SBF2: variants seen among roughly 807,000 people sequenced by gnomAD.
SBF2 encodes the protein SET binding factor 2.
SBF2 carries 112 observed loss-of-function variants against 225.2 expected under a neutral mutation model. The observed-to-expected ratio is 0.50, with a 90% confidence interval of 0.43 to 0.58. The LOEUF (loss-of-function observed/expected upper bound fraction) is 0.58, where lower values mean the gene tolerates loss of function less well. Among genes scored for constraint, SBF2 ranks in the 20% least tolerant of loss-of-function variants. SBF2 has a pLI of 0.00. For missense variants in SBF2, 1,996 were observed against 2,206.2 expected, an observed-to-expected ratio of 0.90 and a Z score of 1.91; for synonymous variants, 763 against 773.3, an observed-to-expected ratio of 0.99 and a Z score of 0.22.
At chr11:9,939,999 T>C (rs80201332) in intron 16 of SBF2, among the ~76,000 whole-genome samples, 2,758 of 152,274 alleles carry the variant, frequency 0.018, 86 homozygotes, top group African/African-American at 0.057. Context: ...TCTCTTGATA[T>C]TATATGCTTG....
intron 2 of SBF2, 123 bp from the exon 3 acceptor site, chr11:10,043,104 A>G: frequency 5.4e-6 from 5 of 919,360 alleles, no homozygotes; most frequent in Non-Finnish European, 8.2e-6. Flanking sequence ...ATGAGTCTAA[A>G]GCCAACATTT....
intron 2 of SBF2, among the ~76,000 whole-genome samples, chr11:10,122,468 G>A (rs765298579): frequency 2.0e-5 from 3 of 152,100 alleles, no homozygotes; most frequent in Admixed American, 6.6e-5. Flanking sequence ...CTAAAAACTT[G>A]CTTAATATTT....
At chr11:9,939,548 G>T (rs566921831) in intron 16 of SBF2, among the ~76,000 whole-genome samples, 1 of 152,088 alleles carries the variant, frequency 6.6e-6, no homozygotes, top group African/African-American at 2.4e-5. Context: ...CCTATTTCAG[G>T]TGCTGGGGAT....
upstream of SBF2, among the ~76,000 whole-genome samples, chr11:10,297,239 A>C (rs1964557311): frequency 7.1e-6 from 1 of 141,294 alleles, no homozygotes; most frequent in African/African-American, 2.7e-5. Context: ...TTTTATTTTT[A>C]TGTAGAGATG....
intron 1 of SBF2, among the ~76,000 whole-genome samples, chr11:10,260,271 A>G (rs889765461): frequency 6.6e-6 from 1 of 152,230 alleles, no homozygotes; most frequent in Admixed American, 6.5e-5. Context: ...CTAAGGGCAC[A>G]TTTTGGCATA....
At chr11:9,808,254 C>A in intron 31 of SBF2, 69 bp from the exon 32 acceptor site, 3 of 1,346,144 alleles carry the variant, frequency 2.2e-6, no homozygotes, top group Non-Finnish European at 2.1e-6. Flanking sequence ...AAGATAAAAG[C>A]ACTTCCTTCT....
chr11:9,823,147 T>G (rs1389372565), intron 28 of SBF2, among the ~76,000 whole-genome samples: 1 of 152,240 alleles, frequency 6.6e-6, no homozygotes, highest in African/African-American at 2.4e-5. Flanking sequence ...AAGAAATTTA[T>G]CCAAGTTGTA....
intron 2 of SBF2, among the ~76,000 whole-genome samples, chr11:10,183,702 A>G (rs1956822501): frequency 6.6e-6 from 1 of 152,184 alleles, no homozygotes; most frequent in Non-Finnish European, 1.5e-5. Context: ...TCGGTCCAAA[A>G]ACCAATTTAT....
intron 1 of SBF2, among the ~76,000 whole-genome samples, chr11:10,264,889 T>C (rs745798736): frequency 3.9e-5 from 6 of 152,168 alleles, no homozygotes; most frequent in South Asian, 4.1e-4. Flanking sequence ...GCTTCATCCA[T>C]GTCCCTGCAA....
chr11:10,076,231 G>C (rs1274613962), intron 2 of SBF2, among the ~76,000 whole-genome samples: 1 of 152,176 alleles, frequency 6.6e-6, no homozygotes, highest in Non-Finnish European at 1.5e-5. Context: ...TAGATCTTAA[G>C]TTGGAGAACA....
intron 13 of SBF2, among the ~76,000 whole-genome samples, chr11:9,974,941 C>T (rs1366509944): frequency 1.1e-5 from 1 of 89,002 alleles, no homozygotes; most frequent in Non-Finnish European, 2.0e-5. Flanking sequence ...GCCTGGGCAA[C>T]AACAGCGAAA....
intron 16 of SBF2, among the ~76,000 whole-genome samples, chr11:9,918,883 C>T (rs574317851): frequency 1.1e-4 from 17 of 151,810 alleles, no homozygotes; most frequent in Admixed American, 4.6e-4. Context: ...GGACTACAGG[C>T]GCCTGCCACC....
intron 2 of SBF2, among the ~76,000 whole-genome samples, chr11:10,181,378 C>G: frequency 6.6e-6 from 1 of 151,920 alleles, no homozygotes; most frequent in Non-Finnish European, 1.5e-5. Context: ...ATATAACTTA[C>G]CTAAAACTGT....
At chr11:9,796,013 GC>G in intron 32 of SBF2, 56 bp from the exon 33 acceptor site, 1 of 1,578,064 alleles carries the variant, frequency 6.3e-7, no homozygotes, top group South Asian at 1.1e-5. Flanking sequence ...AAAAGTGGAT[GC>G]CAGGCCACTG....
At chr11:10,094,916 T>A (rs1378787750) in intron 2 of SBF2, among the ~76,000 whole-genome samples, 1 of 150,370 alleles carries the variant, frequency 6.7e-6, no homozygotes, top group Non-Finnish European at 1.5e-5. Context: ...TAAAAAAAAA[T>A]AAAAAGGAAT....
chr11:9,786,225 G>T (rs1287327424), intron 36 of SBF2, among the ~76,000 whole-genome samples: 1 of 152,140 alleles, frequency 6.6e-6, no homozygotes, highest in Non-Finnish European at 1.5e-5. Flanking sequence ...GAAAAAGCAG[G>T]TTTAAAATAG....
At chr11:10,213,442 T>C (rs1181789018) in intron 1 of SBF2, among the ~76,000 whole-genome samples, 1 of 152,218 alleles carries the variant, frequency 6.6e-6, no homozygotes, top group Non-Finnish European at 1.5e-5. Flanking sequence ...TAGATGAATC[T>C]ACATTAATAG....
At chr11:10,265,201 A>G (rs779118070) in intron 1 of SBF2, among the ~76,000 whole-genome samples, 13 of 152,028 alleles carry the variant, frequency 8.6e-5, no homozygotes, top group Non-Finnish European at 1.5e-4. Flanking sequence ...CCCACCAACA[A>G]TGTAAAAGCA....
At chr11:10,158,983 T>C (rs1215905735) in intron 2 of SBF2, among the ~76,000 whole-genome samples, 1 of 152,056 alleles carries the variant, frequency 6.6e-6, no homozygotes, top group Non-Finnish European at 1.5e-5. Context: ...GTAAGAAGGA[T>C]GTACCCCCCA....
Sources: allele counts gnomAD v4.1 joint callset (sites outside exome capture counted in the v4.1 genomes callset), GRCh38; gene constraint gnomAD v4.1.1; transcripts MANE v1.5; gene names NCBI Gene and HGNC (gene_info 2026-07-23, HGNC 2026-07-21).